GLIS3: variants seen among roughly 807,000 people sequenced by gnomAD.
GLIS3 encodes the protein zinc finger protein GLIS3.
In GLIS3, 53 loss-of-function variants were observed where a neutral mutation model predicts 78.6. The observed-to-expected ratio is 0.67, with a 90% CI of 0.54 to 0.85. The LOEUF is 0.85. Ranked by LOEUF, GLIS3 falls within the 40% of genes least tolerant of loss-of-function variation. GLIS3 has a pLI of 0.00. For synonymous variants in GLIS3, 684 were observed against 509.9 expected (o/e 1.34, Z -4.60); for missense variants, 1,703 against 1,231.1 (o/e 1.38, Z -5.74).
the GLIS3 span, among the ~76,000 whole-genome samples, chr9:4,373,506 C>T: frequency 7.2e-5 from 11 of 152,126 alleles, no homozygotes; most frequent in South Asian, 4.2e-4. Flanking sequence ...TGAAGCTGCA[C>T]GTATTTCTGG....
At chr9:4,241,541 T>A (rs1215526503) in intron 2 of GLIS3, among the ~76,000 whole-genome samples, 6 of 152,136 alleles carry the variant, frequency 3.9e-5, no homozygotes, top group Non-Finnish European at 8.8e-5. Context: ...ACTATAAAGA[T>A]TCGATCTTTA....
chr9:4,450,030 C>T, the GLIS3 span, among the ~76,000 whole-genome samples: 3 of 152,034 alleles, frequency 2.0e-5, no homozygotes, highest in Admixed American at 6.6e-5. Context: ...TTCAGAAGGT[C>T]GGTAATAACA....
At chr9:4,388,986 A>G in the GLIS3 span, among the ~76,000 whole-genome samples, 3 of 152,238 alleles carry the variant, frequency 2.0e-5, no homozygotes, top group East Asian at 1.9e-4. Context: ...GGTACCAACA[A>G]TTGCTGATTT....
chr9:3,938,894 T>G (rs1038595320), intron 4 of GLIS3, among the ~76,000 whole-genome samples: 18 of 152,204 alleles, frequency 1.2e-4, no homozygotes, highest in African/African-American at 4.3e-4. Context: ...GGGCTCAACA[T>G]TAAACCCCAA....
At chr9:4,374,274 G>T in the GLIS3 span, among the ~76,000 whole-genome samples, 7 of 152,214 alleles carry the variant, frequency 4.6e-5, no homozygotes, top group Non-Finnish European at 1.0e-4. Context: ...AGCAATGGCT[G>T]TTATGGGCTA....
intron 2 of GLIS3, among the ~76,000 whole-genome samples, chr9:4,136,381 A>C (rs892252396): frequency 2.0e-5 from 3 of 152,206 alleles, no homozygotes; most frequent in African/African-American, 7.2e-5. Flanking sequence ...ATGTCCAAAG[A>C]TGTTAAATGA....
At chr9:4,093,404 G>C (rs968780703) in intron 4 of GLIS3, among the ~76,000 whole-genome samples, 4 of 152,222 alleles carry the variant, frequency 2.6e-5, no homozygotes, top group Admixed American at 2.6e-4. Context: ...AAAGCATGTG[G>C]AAGACAGAGG....
chr9:3,829,662 TG>T (rs1817934974), intron 9 of GLIS3, among the ~76,000 whole-genome samples, 170 bp from the exon 10 acceptor site: 1 of 152,234 alleles, frequency 6.6e-6, no homozygotes, highest in Non-Finnish European at 1.5e-5. Flanking sequence ...ACTGTTGGGC[TG>T]AAGCTCTTCT....
At position 3,828,221 on chromosome 9, in the gene GLIS3, G is replaced by T. The variant is rs572557279; in HGVS notation, c.*51C>A. On this transcript the variant is annotated 3_prime_UTR_variant, in exon 11 of 11. Coordinates refer to ENST00000381971, the MANE Select transcript of GLIS3 (RefSeq NM_001042413.2). Reference sequence around the variant, plus strand: ...GTCTGTGAGAGTACGAAAACAAAAGGTGGCAAGCAACATCAAGGTCCTGGG... The same window carrying T: ...GTCTGTGAGAGTACGAAAACAAAAGTTGGCAAGCAACATCAAGGTCCTGGG... 3 of 1,611,524 alleles carry T rather than the reference G, an allele frequency of 1.9e-6. No individual in the cohort carries two copies. The highest frequency in any genetic ancestry group is 2.5e-6 in the Non-Finnish European group (3 of 1,178,410).
the GLIS3 span, among the ~76,000 whole-genome samples, chr9:4,355,964 T>C: frequency 1.5e-3 from 229 of 152,342 alleles, 2 homozygotes; most frequent in African/African-American, 5.2e-3. Flanking sequence ...TCAAAATGTA[T>C]CAACTGGGCA....
intron 2 of GLIS3, among the ~76,000 whole-genome samples, chr9:4,185,772 G>A (rs1311162274): frequency 6.6e-6 from 1 of 152,126 alleles, no homozygotes; most frequent in Non-Finnish European, 1.5e-5. Flanking sequence ...AAAGCTATAG[G>A]AATGAATCGC....
chr9:4,378,832 T>C, the GLIS3 span, among the ~76,000 whole-genome samples: 1 of 152,128 alleles, frequency 6.6e-6, no homozygotes, highest in Non-Finnish European at 1.5e-5. Flanking sequence ...AGCACCTGAA[T>C]GTGTGCTCCA....
At chr9:4,429,098 A>C in the GLIS3 span, among the ~76,000 whole-genome samples, 1 of 152,150 alleles carries the variant, frequency 6.6e-6, no homozygotes, top group African/African-American at 2.4e-5. Context: ...AGTCAAAACC[A>C]GCCTGGAAGT....
At chr9:4,475,923 T>C in the GLIS3 span, among the ~76,000 whole-genome samples, 1 of 152,178 alleles carries the variant, frequency 6.6e-6, no homozygotes, top group Admixed American at 6.5e-5. Context: ...TGTTTTATTT[T>C]TTTGAAATAC....
the GLIS3 span, among the ~76,000 whole-genome samples, chr9:4,448,614 T>A: frequency 1.3e-5 from 2 of 152,234 alleles, no homozygotes; most frequent in African/African-American, 4.8e-5. Context: ...TCCTCCTGCT[T>A]TGAAGCAGGT....
intron 2 of GLIS3, among the ~76,000 whole-genome samples, chr9:4,342,285 A>G (rs1817843722): frequency 6.6e-6 from 1 of 152,154 alleles, no homozygotes; most frequent in South Asian, 2.1e-4. Flanking sequence ...AAAGGAAGGG[A>G]TCCAGGTTCA....
At chr9:4,068,354 A>G (rs1176574199) in intron 4 of GLIS3, among the ~76,000 whole-genome samples, 2 of 152,154 alleles carry the variant, frequency 1.3e-5, no homozygotes, top group Non-Finnish European at 2.9e-5. Flanking sequence ...GATTTTGAAA[A>G]CTAGAGAAAA....
intron 9 of GLIS3, among the ~76,000 whole-genome samples, chr9:3,846,736 G>C (rs1253721993): frequency 6.6e-6 from 1 of 152,150 alleles, no homozygotes. Flanking sequence ...CACACACTCA[G>C]TACCAGCTGT....
At chr9:4,087,174 GTAA>G (rs775136681) in intron 4 of GLIS3, among the ~76,000 whole-genome samples, 107 of 152,250 alleles carry the variant, frequency 7.0e-4, no homozygotes, top group Non-Finnish European at 1.4e-3. Context: ...TTACTAATAA[GTAA>G]TAATAATAAA....
Sources: allele counts gnomAD v4.1 joint callset (sites outside exome capture counted in the v4.1 genomes callset), GRCh38; gene constraint gnomAD v4.1.1; transcripts MANE v1.5; gene names NCBI Gene and HGNC (gene_info 2026-07-23, HGNC 2026-07-21).